Variants in PPP2R2D observed in about 807,000 individuals in gnomAD.
The protein encoded by PPP2R2D is serine/threonine-protein phosphatase 2A 55 kDa regulatory subunit B delta isoform.
In PPP2R2D, 9 loss-of-function variants were observed where a neutral mutation model predicts 31.1. The observed-to-expected ratio is 0.29, with a 90% CI of 0.17 to 0.51. PPP2R2D has a LOEUF of 0.51. Among genes scored for constraint, PPP2R2D ranks in the 20% least tolerant of loss-of-function variants. PPP2R2D has a pLI of 0.98. For synonymous variants in PPP2R2D, 179 were observed against 172.6 expected (o/e 1.04, Z -0.29); for missense variants, 391 against 465.6 (o/e 0.84, Z 1.48).
chr10:131,928,530 T>C (rs1304882786), intron 2 of PPP2R2D, among the ~76,000 whole-genome samples: 2 of 152,194 alleles, frequency 1.3e-5, no homozygotes, highest in Non-Finnish European at 2.9e-5. Context: ...TTGACAGGGT[T>C]TTTTCAGGCT....
chr10:131,907,261 C>G (rs959621323), intron 2 of PPP2R2D, among the ~76,000 whole-genome samples: 9 of 151,948 alleles, frequency 5.9e-5, no homozygotes, highest in African/African-American at 2.2e-4. Flanking sequence ...GGTCTGATTT[C>G]TATATTCCAT....
At chr10:131,917,024 CGT>C (rs1162204496) in intron 2 of PPP2R2D, among the ~76,000 whole-genome samples, 2 of 116,770 alleles carry the variant, frequency 1.7e-5, no homozygotes, top group Non-Finnish European at 3.7e-5. Context: ...AGGGACCTCA[CGT>C]GGGTGGAATG....
chr10:131,941,606 C>T (rs947069960), intron 5 of PPP2R2D, among the ~76,000 whole-genome samples: 16 of 152,134 alleles, frequency 1.1e-4, no homozygotes, highest in Non-Finnish European at 1.8e-4. Flanking sequence ...GAGATTTCAG[C>T]CCCTTTTACA....
chr10:131,952,828 G>T lies in PPP2R2D; in HGVS notation c.1083-2856G>T, dbSNP rs1269147810. On this transcript the variant is annotated intron_variant, in intron 8 of 8. Transcript: ENST00000455566. ...TTAGCAGTGACTTGCGGGTGTGTGTGTGGGGTTCACTGTCTTAGCAGTGAC... is the reference window on the plus strand; with the variant it reads ...TTAGCAGTGACTTGCGGGTGTGTGTTTGGGGTTCACTGTCTTAGCAGTGAC... 2.9e-4 allele frequency among the ~76,000 whole-genome samples: 24 copies of T among 84,050 alleles called. 2 individuals are homozygous for T. The highest frequency in any genetic ancestry group is 5.2e-4 in the Non-Finnish European group (22 of 42,058). The allele number at this position is 84,050 out of a possible 152,430, so 55.1% of individuals were successfully genotyped here.
intron 2 of PPP2R2D, among the ~76,000 whole-genome samples, chr10:131,914,400 A>T (rs1554892800): frequency 6.6e-6 from 1 of 152,036 alleles, no homozygotes. Context: ...ATAATGTTCC[A>T]TTTTTCCTAG....
intron 8 of PPP2R2D, among the ~76,000 whole-genome samples, chr10:131,950,521 TCCA>T (rs1343503455): frequency 2.6e-5 from 4 of 151,756 alleles, no homozygotes; most frequent in Non-Finnish European, 5.9e-5. Flanking sequence ...CTCCTTACTC[TCCA>T]CCGCCAGCTT....
At chr10:131,946,744 A>C (rs1223851603) in intron 7 of PPP2R2D, among the ~76,000 whole-genome samples, 1 of 152,186 alleles carries the variant, frequency 6.6e-6, no homozygotes, top group Non-Finnish European at 1.5e-5. Context: ...CTGCATCAAG[A>C]AAAAAGAGAA....
At chr10:131,904,464 C>T (rs1238869196) in intron 2 of PPP2R2D, among the ~76,000 whole-genome samples, 1 of 143,586 alleles carries the variant, frequency 7.0e-6, no homozygotes, top group Non-Finnish European at 1.5e-5. Flanking sequence ...GAGCCGAGAT[C>T]GTGCCACTGC....
At chr10:131,912,210 A>G (rs1287400642) in intron 2 of PPP2R2D, 5 of 151,932 alleles carry the variant, frequency 3.3e-5, no homozygotes, top group African/African-American at 1.2e-4. Flanking sequence ...TTTTTTGGAA[A>G]TAGGGTCTTA....
downstream of PPP2R2D, among the ~76,000 whole-genome samples, chr10:131,962,041 G>A (rs1554901535): frequency 3.9e-5 from 6 of 152,304 alleles, no homozygotes; most frequent in South Asian, 4.1e-4. Context: ...GGGGAGCACC[G>A]GTGCCCGGGA....
At chr10:131,930,099 C>T (rs2036192034) in intron 2 of PPP2R2D, among the ~76,000 whole-genome samples, 2 of 152,304 alleles carry the variant, frequency 1.3e-5, no homozygotes, top group South Asian at 4.1e-4. Context: ...CATAGTATTC[C>T]GTTAACAGGT....
intron 2 of PPP2R2D, chr10:131,911,932 G>A (rs1240227534): frequency 6.6e-6 from 1 of 152,202 alleles, no homozygotes. Context: ...TCAAATGATA[G>A]AACAGCTGAG....
At chr10:131,948,279 C>T (rs2036577754) in intron 8 of PPP2R2D, among the ~76,000 whole-genome samples, 2 of 152,086 alleles carry the variant, frequency 1.3e-5, no homozygotes, top group Non-Finnish European at 2.9e-5. Flanking sequence ...GGTTCTAGTA[C>T]CTTGATAATT....
the PPP2R2D span, chr10:131,967,577 T>C: frequency 6.6e-6 from 1 of 152,508 alleles, no homozygotes; most frequent in Non-Finnish European, 1.5e-5. Context: ...AGGCAGCCTT[T>C]CTAAAAAGTT....
chr10:131,948,034 G>T (rs782636162), intron 8 of PPP2R2D, among the ~76,000 whole-genome samples: 150 of 152,312 alleles, frequency 9.8e-4, no homozygotes, highest in Non-Finnish European at 1.4e-3. Context: ...CTAGGTACAG[G>T]CCGGCTATGT....
At chr10:131,969,799 G>T in the PPP2R2D span, 1 of 152,238 alleles carries the variant, frequency 6.6e-6, no homozygotes, top group Admixed American at 6.5e-5. Flanking sequence ...TTGGCTTCCC[G>T]CTCTGGCTCT....
At chr10:131,941,697 G>A (rs183416891) in intron 5 of PPP2R2D, among the ~76,000 whole-genome samples, 44 of 152,274 alleles carry the variant, frequency 2.9e-4, no homozygotes, top group East Asian at 1.2e-3. Flanking sequence ...ACGCTGTACC[G>A]CAGAAGCCTT....
intron 2 of PPP2R2D, among the ~76,000 whole-genome samples, chr10:131,929,419 A>G (rs1159264699): frequency 2.0e-5 from 3 of 152,176 alleles, no homozygotes; most frequent in Non-Finnish European, 4.4e-5. Flanking sequence ...GTTTAGAGCC[A>G]CTCAGATGTA....
intron 2 of PPP2R2D, among the ~76,000 whole-genome samples, chr10:131,916,764 GAC>G (rs1352007097): frequency 2.0e-5 from 3 of 149,870 alleles, no homozygotes; most frequent in Non-Finnish European, 4.4e-5. Context: ...CGGGTGGAAT[GAC>G]ACAGTGTAGG....
Sources: gnomAD v4.1 joint callset for allele counts (sites outside exome capture counted in the v4.1 genomes callset) on GRCh38, gnomAD v4.1.1 for gene constraint, MANE v1.5 for transcripts, NCBI Gene and HGNC (gene_info 2026-07-23, HGNC 2026-07-21) for gene names.